Variants in KCNAB1 observed in about 807,000 individuals in gnomAD.
The protein encoded by KCNAB1 is potassium voltage-gated channel subfamily A regulatory beta subunit 1, also known as voltage-gated potassium channel subunit beta-1.
In KCNAB1, 35 loss-of-function variants were observed where a neutral mutation model predicts 64.6. That is an observed-to-expected ratio of 0.54 (90% CI 0.41 to 0.72). The LOEUF is 0.72. KCNAB1 is among the 30% of genes least tolerant of loss of function. The pLI is 0.00. For synonymous variants in KCNAB1, 177 were observed against 183.8 expected (o/e 0.96, Z 0.30); for missense variants, 401 against 512.9 (o/e 0.78, Z 2.11).
intron 1 of KCNAB1, chr3:156,291,917 T>C: frequency 6.2e-7 from 1 of 1,614,072 alleles, no homozygotes; most frequent in Non-Finnish European, 8.5e-7. Flanking sequence ...AATGCAAGTC[T>C]CCATAGCCTG....
intron 1 of KCNAB1, among the ~76,000 whole-genome samples, chr3:156,233,663 T>C (rs1203521446): frequency 6.6e-6 from 1 of 152,146 alleles, no homozygotes; most frequent in Non-Finnish European, 1.5e-5. Flanking sequence ...AGAAAGCTCC[T>C]GCTGCCATTC....
chr3:156,235,367 A>C (rs1460294635), intron 1 of KCNAB1, among the ~76,000 whole-genome samples: 1 of 152,148 alleles, frequency 6.6e-6, no homozygotes, highest in East Asian at 1.9e-4. Context: ...CTTGCCCTTC[A>C]TCTTTATCTC....
At chr3:156,539,095 A>AAAG (rs1719290593), downstream of KCNAB1, 1 of 152,334 alleles carries the variant, frequency 6.6e-6, no homozygotes, top group African/African-American at 2.4e-5. Flanking sequence ...TCTCTTCCAA[A>AAAG]AAGAATTCCC....
chr3:156,284,761 C>T (rs1719989984), intron 1 of KCNAB1, among the ~76,000 whole-genome samples: 1 of 152,208 alleles, frequency 6.6e-6, no homozygotes, highest in Non-Finnish European at 1.5e-5. Context: ...TTCTTTGACT[C>T]AGAAAGGGAA....
chr3:156,348,613 G>A (rs901699244), intron 1 of KCNAB1, among the ~76,000 whole-genome samples: 1 of 152,218 alleles, frequency 6.6e-6, no homozygotes, highest in African/African-American at 2.4e-5. Context: ...TGACATCCAA[G>A]TGGAGTTATA....
intron 4 of KCNAB1, among the ~76,000 whole-genome samples, chr3:156,457,886 G>A (rs7621244): frequency 0.021 from 3,141 of 152,286 alleles, 124 homozygotes; most frequent in African/African-American, 0.072. Flanking sequence ...CCAAATGAAT[G>A]AACAGATTCC....
chr3:156,532,501 C>T (rs1255541826), intron 13 of KCNAB1, among the ~76,000 whole-genome samples: 2 of 152,218 alleles, frequency 1.3e-5, no homozygotes, highest in African/African-American at 2.4e-5. Context: ...CCCTATCTAC[C>T]TGTCCCTGCA....
chr3:156,141,543 T>TC lies in KCNAB1; in HGVS notation c.275+20660dup, dbSNP rs561526843. On this transcript the variant is annotated intron_variant, in intron 1 of 13. Coordinates refer to ENST00000490337, the MANE Select transcript of KCNAB1 (RefSeq NM_172160.3). The stretch of plus-strand genomic sequence containing the variant: ...CCTTTTGGTATTAGCTTTTTTTTTT[T>TC]CCCACACTCAGCGTAAGCCTCTCGA... Among the ~76,000 whole-genome samples the TC allele has an allele frequency of 4.7e-3, 710 of 152,090 alleles. 4 individuals are homozygous for TC. Among genetic ancestry groups the TC allele is most frequent in the African/African-American group, 0.015 (633 of 41,414 alleles).
chr3:156,149,530 A>G (rs1715260421), intron 1 of KCNAB1, among the ~76,000 whole-genome samples: 1 of 152,182 alleles, frequency 6.6e-6, no homozygotes, highest in African/African-American at 2.4e-5. Context: ...AAGTAGGAAC[A>G]ATTTTTCACC....
chr3:156,167,154 C>G (rs1353658379), intron 1 of KCNAB1, among the ~76,000 whole-genome samples: 1 of 152,188 alleles, frequency 6.6e-6, no homozygotes, highest in African/African-American at 2.4e-5. Flanking sequence ...TATTCCCTCA[C>G]TGAATGACTT....
rs553965589 is a variant in KCNAB1, at chr3:156,217,675, A to T, written c.275+96789A>T. Among the ~76,000 whole-genome samples the T allele has an allele frequency of 2.6e-5, 4 of 152,352 alleles. No individual in the cohort carries two copies. In the East Asian group the frequency reaches 7.7e-4, roughly 29 times the overall value. On this transcript the variant is annotated intron_variant, in intron 1 of 13. Transcript: ENST00000490337. ...TCTTGGAGCTGCTTTGGCATTTATTATTGATATAGAAAGAGTGCTCATTAT... is the reference window on the plus strand; with the variant it reads ...TCTTGGAGCTGCTTTGGCATTTATTTTTGATATAGAAAGAGTGCTCATTAT...
intron 1 of KCNAB1, among the ~76,000 whole-genome samples, chr3:156,179,959 G>C (rs954441366): frequency 1.1e-4 from 17 of 152,130 alleles, no homozygotes; most frequent in African/African-American, 3.9e-4. Context: ...CTTTAATGCT[G>C]ACATTGTATC....
At chr3:156,245,106 A>G (rs1450832643) in intron 1 of KCNAB1, among the ~76,000 whole-genome samples, 4 of 152,174 alleles carry the variant, frequency 2.6e-5, no homozygotes, top group Non-Finnish European at 4.4e-5. Context: ...GCCTGTTGCT[A>G]TCAGTTTCCA....
rs905737068 is a variant in KCNAB1, at chr3:156,173,986, C to G, written c.275+53100C>G. Reference sequence around the variant, plus strand: ...CAGACAGTGACATATACCATTGGCTCTCCTGGTCCTCAGGCCTTCAGACTC... The same window carrying G: ...CAGACAGTGACATATACCATTGGCTGTCCTGGTCCTCAGGCCTTCAGACTC... On this transcript the variant is annotated intron_variant, in intron 1 of 13. Transcript: ENST00000490337. Among the ~76,000 whole-genome samples, 3 of 152,232 alleles carry G rather than the reference C, an allele frequency of 2.0e-5. No homozygotes were observed. The South Asian group carries it at 6.2e-4, about 32-fold the overall frequency.
chr3:156,523,664 G>A (rs889440706), intron 11 of KCNAB1, 163 bp from the exon 12 acceptor site: 12 of 672,332 alleles, frequency 1.8e-5, no homozygotes, highest in South Asian at 9.1e-5. Flanking sequence ...GAGCAAGATC[G>A]TGAGGAACAT....
chr3:156,150,538 G>A (rs1262930450), intron 1 of KCNAB1, among the ~76,000 whole-genome samples: 2 of 152,062 alleles, frequency 1.3e-5, no homozygotes, highest in Non-Finnish European at 2.9e-5. Flanking sequence ...CAGCGGTTTC[G>A]TCTGAAAAAA....
chr3:156,223,936 T>C (rs1015104618), intron 1 of KCNAB1, among the ~76,000 whole-genome samples: 2 of 152,212 alleles, frequency 1.3e-5, no homozygotes, highest in African/African-American at 4.8e-5. Flanking sequence ...GGGTGGTTGA[T>C]GGGACCGGGC....
intron 8 of KCNAB1, among the ~76,000 whole-genome samples, chr3:156,478,040 C>T (rs2108325546): frequency 6.6e-6 from 1 of 152,196 alleles, no homozygotes; most frequent in East Asian, 1.9e-4. Context: ...ATCAAATTAC[C>T]CTTGAAAACA....
chr3:156,530,577 G>A (rs1280826199), intron 12 of KCNAB1, among the ~76,000 whole-genome samples: 1 of 152,226 alleles, frequency 6.6e-6, no homozygotes, highest in Non-Finnish European at 1.5e-5. Flanking sequence ...ACCATGAACT[G>A]TGAGATTCTC....
Sources: gnomAD v4.1 joint callset for allele counts (sites outside exome capture counted in the v4.1 genomes callset) on GRCh38, gnomAD v4.1.1 for gene constraint, MANE v1.5 for transcripts, NCBI Gene and HGNC (gene_info 2026-07-23, HGNC 2026-07-21) for gene names.